DZIP3: variants seen among roughly 807,000 people sequenced by gnomAD.
The protein encoded by DZIP3 is DAZ interacting zinc finger protein 3.
DZIP3 carries 118 observed loss-of-function variants against 162.0 expected under a neutral mutation model. The observed-to-expected ratio is 0.73, with a 90% CI of 0.63 to 0.85. The LOEUF is 0.85. Among genes scored for constraint, DZIP3 ranks in the 40% least tolerant of loss-of-function variants. The pLI is 0.00. For synonymous variants in DZIP3, 438 were observed against 458.6 expected, an observed-to-expected ratio of 0.96 and a Z score of 0.57; for missense variants, 1,331 against 1,407.0, an observed-to-expected ratio of 0.95 and a Z score of 0.86.
chr3:108,617,181 G>T (rs1375981153), intron 5 of DZIP3, among the ~76,000 whole-genome samples: 1 of 152,106 alleles, frequency 6.6e-6, no homozygotes, highest in Non-Finnish European at 1.5e-5. Context: ...ATAAGTTCAA[G>T]AGATCTATTG....
chr3:108,685,385 T>C (rs1437629697), intron 27 of DZIP3, among the ~76,000 whole-genome samples: 1 of 152,174 alleles, frequency 6.6e-6, no homozygotes, highest in Non-Finnish European at 1.5e-5. Flanking sequence ...CCCTCACTTC[T>C]TAGGCTCTGT....
intron 1 of DZIP3, among the ~76,000 whole-genome samples, chr3:108,600,884 CACACTCTGCTTTGACA>C (rs1939974667): frequency 1.3e-5 from 2 of 152,148 alleles, no homozygotes; most frequent in African/African-American, 4.8e-5. Context: ...TGCTTTGACA[CACACTCTGCTTTGACA>C]CTCACTAGCT....
intron 1 of DZIP3, among the ~76,000 whole-genome samples, chr3:108,602,390 C>T (rs148724686): frequency 1.9e-3 from 291 of 152,194 alleles, no homozygotes; most frequent in African/African-American, 6.7e-3. Context: ...GATGGTATTA[C>T]CTTATTTTTC....
intron 21 of DZIP3, among the ~76,000 whole-genome samples, chr3:108,666,920 AAG>A (rs1368936870): frequency 2.0e-5 from 3 of 152,172 alleles, no homozygotes; most frequent in Non-Finnish European, 4.4e-5. Flanking sequence ...ACATTAGAAA[AAG>A]AGAAAAGTCT....
intron 14 of DZIP3, among the ~76,000 whole-genome samples, chr3:108,646,315 TG>T (rs1187544117): frequency 1.3e-5 from 2 of 152,222 alleles, no homozygotes; most frequent in Non-Finnish European, 2.9e-5. Context: ...TATTATTTCA[TG>T]GCCTTAGATG....
chr3:108,632,883 G>C (rs991223258), intron 8 of DZIP3, 70 bp from the exon 9 acceptor site: 3 of 918,502 alleles, frequency 3.3e-6, no homozygotes. Context: ...GTAAAACATG[G>C]GTAGTCTTAA....
At position 108,688,113 on chromosome 3, in the gene DZIP3, A is replaced by G. The variant is rs576159447; in HGVS notation, c.3270+17A>G. Reference sequence around the variant, plus strand: ...AAGTCTCAGGTAAAATGCAAAAACAACCAAAAAACCTGTATCTCTCTGCCC... The same window carrying G: ...AAGTCTCAGGTAAAATGCAAAAACAGCCAAAAAACCTGTATCTCTCTGCCC... On this transcript the variant is annotated intron_variant, in intron 29 of 32. Transcript: ENST00000361582. 1.9e-6 allele frequency: 3 copies of G among 1,612,320 alleles called. No homozygotes were observed. Among genetic ancestry groups the G allele is most frequent in the Non-Finnish European group, 2.5e-6 (3 of 1,179,030 alleles).
chr3:108,681,897 AG>A lies in DZIP3; in HGVS notation c.2884-2316del, dbSNP rs1316390857. On this transcript the variant is annotated intron_variant, in intron 26 of 32. Transcript: ENST00000361582. Reference sequence around the variant, plus strand: ...TTGAACAATGAGAACACATGGACACAGGGAGGGGAACATCACACACTGGGGC... The same window carrying A: ...TTGAACAATGAGAACACATGGACACAGGAGGGGAACATCACACACTGGGGC... Among the ~76,000 whole-genome samples, 15 of 92,190 alleles carry A rather than the reference AG, an allele frequency of 1.6e-4. 1 individual carries two copies. Among genetic ancestry groups the A allele is most frequent in the African/African-American group, 6.5e-4 (14 of 21,540 alleles). The allele number at this position is 92,190 out of a possible 152,430, so 60.5% of individuals were successfully genotyped here.
intron 4 of DZIP3, among the ~76,000 whole-genome samples, chr3:108,611,686 C>A (rs1050791471): frequency 6.6e-6 from 1 of 152,150 alleles, no homozygotes; most frequent in African/African-American, 2.4e-5. Flanking sequence ...ACACATTTGG[C>A]CAGGCACAGT....
At chr3:108,612,735 A>G (rs973889882) in intron 4 of DZIP3, among the ~76,000 whole-genome samples, 7 of 152,188 alleles carry the variant, frequency 4.6e-5, no homozygotes, top group East Asian at 1.9e-4. Flanking sequence ...TAGTTGTTAT[A>G]CTGTATTGTC....
intron 1 of DZIP3, among the ~76,000 whole-genome samples, chr3:108,592,328 G>A (rs1939468993): frequency 6.6e-6 from 1 of 152,162 alleles, no homozygotes. Context: ...AGAGGGATGA[G>A]TCTAGCAGAT....
At chr3:108,649,641 A>G (rs1290626602) in intron 17 of DZIP3, among the ~76,000 whole-genome samples, 3 of 151,830 alleles carry the variant, frequency 2.0e-5, no homozygotes, top group African/African-American at 7.2e-5. Flanking sequence ...TATATTCTGT[A>G]TATTATAAAT....
intron 19 of DZIP3, among the ~76,000 whole-genome samples, chr3:108,657,829 G>A (rs1394508546): frequency 1.3e-5 from 2 of 152,038 alleles, no homozygotes; most frequent in Non-Finnish European, 2.9e-5. Flanking sequence ...AAAAAGGCAG[G>A]GGTTGCAATC....
chr3:108,663,424 C>T (rs955472408), intron 21 of DZIP3, among the ~76,000 whole-genome samples: 23 of 151,834 alleles, frequency 1.5e-4, no homozygotes, highest in African/African-American at 5.1e-4. Flanking sequence ...GGCATGGTGG[C>T]GCATGCCTGT....
chr3:108,683,588 G>T (rs1382273607), intron 26 of DZIP3, among the ~76,000 whole-genome samples: 5 of 152,146 alleles, frequency 3.3e-5, no homozygotes, highest in African/African-American at 1.2e-4. Context: ...TAGCTGCTAA[G>T]AAGGTCTAGA....
intron 14 of DZIP3, among the ~76,000 whole-genome samples, chr3:108,645,271 A>G (rs996691942): frequency 6.6e-6 from 1 of 152,170 alleles, no homozygotes; most frequent in Non-Finnish European, 1.5e-5. Context: ...GTGGAGTTTT[A>G]TTCTCCAAAA....
At position 108,632,993 on chromosome 3, in the gene DZIP3, T is replaced by C. The variant is rs761447316; in HGVS notation, c.737T>C (p.Ile246Thr). The change falls in exon 9 of 33, where the codon ATA becomes ACA. Residue 246 changes from isoleucine (I) to threonine (T), a missense_variant. Ile to Thr is a moderately conservative substitution (Grantham distance 89). Around this residue, in one of 2 missense-constraint regions of DZIP3, gnomAD observed 1,278 missense variants for 1,317.1 expected, o/e 0.97. Transcript: ENST00000361582. ...NNFIKTTESN[I>T]MKQTICSYLD... ...TTTATCAAGACAACTGAAAGCAATA[T>C]AATGAAGCAGACGATTTGTAGTTAC... The C allele has an allele frequency of 2.7e-6, 4 of 1,484,948 alleles. No individual in the cohort carries two copies. The South Asian group carries it at 5.7e-5, about 21-fold the overall frequency. 92.0% of individuals were successfully genotyped at this position (1,484,948 alleles called of 1,614,324 possible).
At chr3:108,603,949 C>T (rs1025846228) in intron 1 of DZIP3, among the ~76,000 whole-genome samples, 1 of 152,112 alleles carries the variant, frequency 6.6e-6, no homozygotes, top group Non-Finnish European at 1.5e-5. Flanking sequence ...TCAGGTTCTG[C>T]ATTTACTTCT....
chr3:108,666,146 T>C (rs1943666768), intron 21 of DZIP3, among the ~76,000 whole-genome samples: 1 of 152,086 alleles, frequency 6.6e-6, no homozygotes, highest in Non-Finnish European at 1.5e-5. Flanking sequence ...ATTCAATGTA[T>C]GTAGAAGAAA....
Sources: allele counts gnomAD v4.1 joint callset (sites outside exome capture counted in the v4.1 genomes callset), GRCh38; gene constraint gnomAD v4.1.1; regional missense constraint gnomAD v4.1.1; transcripts MANE v1.5; gene names NCBI Gene and HGNC (gene_info 2026-07-23, HGNC 2026-07-21).